Variants in PCCA observed in about 807,000 individuals in gnomAD.
PCCA encodes propionyl-CoA carboxylase alpha chain, mitochondrial.
In PCCA, 74 loss-of-function variants were observed where a neutral mutation model predicts 101.3. The observed-to-expected ratio is 0.73, with a 90% CI of 0.61 to 0.89. The LOEUF (loss-of-function observed/expected upper bound fraction) is 0.89. PCCA is among the 40% of genes least tolerant of loss of function. The probability of loss-of-function intolerance (pLI) is 0.00; values close to 1 mark genes in which losing one functional copy is unlikely to be tolerated. For synonymous variants in PCCA, 294 were observed against 313.6 expected (o/e 0.94, Z 0.66); for missense variants, 891 against 907.0 (o/e 0.98, Z 0.23).
intron 21 of PCCA, among the ~76,000 whole-genome samples, chr13:100,484,394 C>T (rs1049713849): frequency 3.9e-5 from 6 of 152,098 alleles, no homozygotes; most frequent in African/African-American, 7.2e-5. Flanking sequence ...ATAGGGATTA[C>T]GTCCTCCAAA....
At chr13:100,493,843 G>C (rs2085081976) in intron 21 of PCCA, among the ~76,000 whole-genome samples, 1 of 152,144 alleles carries the variant, frequency 6.6e-6, no homozygotes, top group Admixed American at 6.5e-5. Context: ...TCTCTTTAAA[G>C]TACACCTTAA....
At chr13:100,452,722 A>G (rs551760819) in intron 21 of PCCA, among the ~76,000 whole-genome samples, 9 of 152,116 alleles carry the variant, frequency 5.9e-5, no homozygotes, top group South Asian at 2.1e-4. Context: ...TTTGTTGTCT[A>G]TCTTCCTCAC....
chr13:100,480,137 C>A (rs989044194), intron 21 of PCCA: 1 of 152,190 alleles, frequency 6.6e-6, no homozygotes, highest in African/African-American at 2.4e-5. Context: ...GACTTTTGAA[C>A]CAGACTAGAT....
intron 9 of PCCA, among the ~76,000 whole-genome samples, chr13:100,262,249 C>T (rs1046779781): frequency 2.0e-5 from 3 of 151,826 alleles, no homozygotes; most frequent in Admixed American, 6.6e-5. Flanking sequence ...AAAAATTAGC[C>T]GGGCGTGGTG....
At chr13:100,137,042 C>T (rs2051265972) in intron 4 of PCCA, among the ~76,000 whole-genome samples, 2 of 151,804 alleles carry the variant, frequency 1.3e-5, no homozygotes, top group African/African-American at 4.8e-5. Flanking sequence ...ACTCTAAGTG[C>T]ATCTAATATT....
chr13:100,266,683 T>A (rs2152569920), intron 10 of PCCA, among the ~76,000 whole-genome samples: 1 of 152,310 alleles, frequency 6.6e-6, no homozygotes, highest in African/African-American at 2.4e-5. Context: ...AGCCATTATA[T>A]ACTATGTCCT....
At chr13:100,420,910 G>GA (rs1282656489) in intron 19 of PCCA, among the ~76,000 whole-genome samples, 8 of 151,234 alleles carry the variant, frequency 5.3e-5, no homozygotes, top group African/African-American at 1.5e-4. Context: ...CACTTCACTT[G>GA]AAAAAAAAAC....
At chr13:100,266,201 A>G (rs1232648743) in intron 10 of PCCA, among the ~76,000 whole-genome samples, 1 of 152,214 alleles carries the variant, frequency 6.6e-6, no homozygotes. Flanking sequence ...GTAACAGGCC[A>G]TGAGGTCCTT....
intron 4 of PCCA, among the ~76,000 whole-genome samples, chr13:100,134,355 C>T (rs2050883946): frequency 6.6e-6 from 1 of 152,166 alleles, no homozygotes; most frequent in Admixed American, 6.5e-5. Context: ...AAAACTGCTT[C>T]AGCTATTCTG....
intron 6 of PCCA, among the ~76,000 whole-genome samples, chr13:100,185,346 T>C (rs1422658715): frequency 6.6e-6 from 1 of 152,134 alleles, no homozygotes; most frequent in Non-Finnish European, 1.5e-5. Flanking sequence ...TCTTTCTTTC[T>C]AATATTTTCT....
At chr13:100,300,216 G>C (rs562557147) in intron 12 of PCCA, among the ~76,000 whole-genome samples, 1 of 152,156 alleles carries the variant, frequency 6.6e-6, no homozygotes, top group African/African-American at 2.4e-5. Context: ...ATTTACGAAG[G>C]GTTGATGCTT....
At chr13:100,339,776 A>C (rs1187781543) in intron 17 of PCCA, among the ~76,000 whole-genome samples, 1 of 152,204 alleles carries the variant, frequency 6.6e-6, no homozygotes, top group African/African-American at 2.4e-5. Flanking sequence ...CTTGCACGCT[A>C]TCCTCACTTC....
chr13:100,355,762 A>G (rs2073894322), intron 18 of PCCA, among the ~76,000 whole-genome samples: 1 of 152,286 alleles, frequency 6.6e-6, no homozygotes, highest in Non-Finnish European at 1.5e-5. Context: ...TCCCAGCTGC[A>G]TTATTTTTGG....
chr13:100,141,316 T>G (rs1184666216), intron 4 of PCCA, among the ~76,000 whole-genome samples: 1 of 152,240 alleles, frequency 6.6e-6, no homozygotes, highest in Non-Finnish European at 1.5e-5. Context: ...CTCTCTCACT[T>G]TTTTTCATTT....
At chr13:100,342,052 G>A (rs967144824) in intron 18 of PCCA, among the ~76,000 whole-genome samples, 1 of 147,050 alleles carries the variant, frequency 6.8e-6, no homozygotes, top group African/African-American at 2.5e-5. Flanking sequence ...TGCATAATTA[G>A]AGTCATAAAC....
intron 22 of PCCA, 74 bp from the exon 23 acceptor site, chr13:100,527,601 T>C: frequency 2.0e-6 from 2 of 1,010,402 alleles, no homozygotes; most frequent in Non-Finnish European, 3.2e-6. Flanking sequence ...AAAGAATTTC[T>C]TAATGGCTTC....
chr13:100,451,033 A>G (rs1413523011), intron 21 of PCCA, among the ~76,000 whole-genome samples: 2 of 152,200 alleles, frequency 1.3e-5, no homozygotes, highest in Non-Finnish European at 2.9e-5. Flanking sequence ...TGCAGGGTAG[A>G]TGAGCAGGCT....
chr13:100,265,619 C>T (rs1210488893), intron 10 of PCCA, among the ~76,000 whole-genome samples: 1 of 152,154 alleles, frequency 6.6e-6, no homozygotes, highest in Non-Finnish European at 1.5e-5. Flanking sequence ...CACACCCCAT[C>T]TGATGGGAGA....
chr13:100,386,012 CTG>C (rs1238521713), intron 19 of PCCA, among the ~76,000 whole-genome samples: 1 of 152,180 alleles, frequency 6.6e-6, no homozygotes, highest in Non-Finnish European at 1.5e-5. Context: ...TGAATTTATA[CTG>C]TGTGTTATGT....
Sources: allele counts gnomAD v4.1 joint callset (sites outside exome capture counted in the v4.1 genomes callset), GRCh38; gene constraint gnomAD v4.1.1; transcripts MANE v1.5; gene names NCBI Gene and HGNC (gene_info 2026-07-23, HGNC 2026-07-21).